CHODL: variants seen among roughly 807,000 people sequenced by gnomAD.
CHODL encodes chondrolectin, also known as transmembrane protein MT75.
A neutral mutation model predicts 34.5 loss-of-function variants in CHODL; 29 were observed. The ratio of observed to expected loss-of-function variants is 0.84; its 90% CI spans 0.63 to 1.15. The LOEUF (loss-of-function observed/expected upper bound fraction) is 1.15, where lower values mean the gene tolerates loss of function less well. CHODL is among the 50% of genes most tolerant of loss of function. The pLI, the probability that CHODL is intolerant of heterozygous loss-of-function variation, is 0.00. For synonymous variants in CHODL, 125 were observed against 116.1 expected (o/e 1.08, Z -0.49); for missense variants, 332 against 332.5 (o/e 1.00, Z 0.01).
intron 2 of CHODL, among the ~76,000 whole-genome samples, chr21:18,108,190 TG>T (rs2065298347): frequency 6.6e-6 from 1 of 151,996 alleles, no homozygotes; most frequent in African/African-American, 2.4e-5. Flanking sequence ...TATTAGCTCT[TG>T]GCCTTTGGGA....
At chr21:18,242,792 A>T (rs1019269390), upstream of CHODL, among the ~76,000 whole-genome samples, 68 of 152,324 alleles carry the variant, frequency 4.5e-4, no homozygotes, top group African/African-American at 1.5e-3. Flanking sequence ...CATATTGAGG[A>T]TACAGTTATT....
chr21:18,075,749 G>T (rs1439292279), intron 2 of CHODL, among the ~76,000 whole-genome samples: 1 of 151,942 alleles, frequency 6.6e-6, no homozygotes, highest in Admixed American at 6.6e-5. Context: ...CCTTTGCTAT[G>T]GTCTAAATGT....
At chr21:18,160,248 A>G (rs1421051503) in intron 2 of CHODL, among the ~76,000 whole-genome samples, 1 of 152,218 alleles carries the variant, frequency 6.6e-6, no homozygotes, top group East Asian at 1.9e-4. Context: ...TCTCAAAGGA[A>G]GAAGAATTTA....
chr21:18,241,175 C>G (rs987275543), upstream of CHODL, among the ~76,000 whole-genome samples: 1 of 151,622 alleles, frequency 6.6e-6, no homozygotes, highest in Admixed American at 6.6e-5. Context: ...AAGGTGTCAT[C>G]TCTAAAATAT....
At chr21:18,025,876 C>T (rs112951476) in intron 1 of CHODL, among the ~76,000 whole-genome samples, 2,329 of 152,124 alleles carry the variant, frequency 0.015, 58 homozygotes, top group Middle Eastern at 0.048. Context: ...TATAAGGACC[C>T]GAGTCATATT....
intron 5 of CHODL, among the ~76,000 whole-genome samples, chr21:18,264,353 C>G (rs534257841): frequency 6.6e-6 from 1 of 152,010 alleles, no homozygotes; most frequent in African/African-American, 2.4e-5. Flanking sequence ...TTTGACAGGG[C>G]ATCCAGTAGA....
intron 1 of CHODL, among the ~76,000 whole-genome samples, chr21:17,968,626 T>A (rs2063591460): frequency 6.6e-6 from 1 of 152,248 alleles, no homozygotes; most frequent in Admixed American, 6.5e-5. Flanking sequence ...TCATGCCTTG[T>A]TAGTCTTCCA....
At chr21:18,251,551 AT>A (rs1568957616) in intron 1 of CHODL, among the ~76,000 whole-genome samples, 242 of 6,050 alleles carry the variant, frequency 0.04, 25 homozygotes, top group African/African-American at 0.15. Flanking sequence ...TAATATATAA[AT>A]ATTTATTTTA....
At chr21:18,109,104 A>C (rs1194347236) in intron 2 of CHODL, among the ~76,000 whole-genome samples, 1 of 152,168 alleles carries the variant, frequency 6.6e-6, no homozygotes, top group Non-Finnish European at 1.5e-5. Flanking sequence ...ATGTAGCAGC[A>C]GTTTTTTAAG....
chr21:18,100,841 T>C (rs924724524), intron 2 of CHODL, among the ~76,000 whole-genome samples: 1 of 152,122 alleles, frequency 6.6e-6, no homozygotes, highest in Non-Finnish European at 1.5e-5. Context: ...AAAAATACTT[T>C]TGTGAATTCC....
At chr21:18,060,667 C>G (rs937989147) in intron 2 of CHODL, among the ~76,000 whole-genome samples, 3 of 144,600 alleles carry the variant, frequency 2.1e-5, no homozygotes, top group African/African-American at 7.9e-5. Flanking sequence ...CTAGGTACCT[C>G]TGAAGCTCAG....
upstream of CHODL, among the ~76,000 whole-genome samples, chr21:18,243,913 C>T (rs1310845320): frequency 1.3e-5 from 2 of 152,138 alleles, no homozygotes; most frequent in African/African-American, 4.8e-5. Flanking sequence ...AATTCTCATG[C>T]ATTTAAAGCA....
chr21:18,195,995 A>C (rs1253723601), intron 2 of CHODL, among the ~76,000 whole-genome samples: 1 of 152,212 alleles, frequency 6.6e-6, no homozygotes, highest in African/African-American at 2.4e-5. Flanking sequence ...GACATACACA[A>C]GTTATATGGA....
intron 1 of CHODL, among the ~76,000 whole-genome samples, chr21:18,002,061 T>C (rs955629089): frequency 1.3e-5 from 2 of 152,212 alleles, no homozygotes; most frequent in Non-Finnish European, 2.9e-5. Context: ...ACTCACTTTT[T>C]ATTCACCTGT....
chr21:17,943,997 A>G (rs1023411297), intron 1 of CHODL, among the ~76,000 whole-genome samples: 3 of 152,306 alleles, frequency 2.0e-5, no homozygotes, highest in South Asian at 2.1e-4. Flanking sequence ...ACTCAGAGAT[A>G]TCAGCTAAAC....
chr21:17,974,256 AG>A (rs1228699290), intron 1 of CHODL, among the ~76,000 whole-genome samples: 1 of 152,132 alleles, frequency 6.6e-6, no homozygotes, highest in East Asian at 1.9e-4. Flanking sequence ...TCCAATTTTT[AG>A]AATTTTTTGT....
At chr21:17,961,001 C>T (rs1386095128) in intron 1 of CHODL, among the ~76,000 whole-genome samples, 1 of 152,154 alleles carries the variant, frequency 6.6e-6, no homozygotes, top group African/African-American at 2.4e-5. Context: ...TCAAACTCAA[C>T]TACATTATAT....
At chr21:18,093,319 G>A (rs2065096969) in intron 2 of CHODL, among the ~76,000 whole-genome samples, 1 of 152,134 alleles carries the variant, frequency 6.6e-6, no homozygotes, top group Non-Finnish European at 1.5e-5. Flanking sequence ...CACCAGACCT[G>A]TCCTACAAGA....
chr21:18,241,720 G>T (rs1198372352), upstream of CHODL, among the ~76,000 whole-genome samples: 1 of 152,160 alleles, frequency 6.6e-6, no homozygotes, highest in Non-Finnish European at 1.5e-5. Flanking sequence ...GAGAGTGAAG[G>T]AGTTCGTGAT....
Sources: gnomAD v4.1 joint callset for allele counts (sites outside exome capture counted in the v4.1 genomes callset) on GRCh38, gnomAD v4.1.1 for gene constraint, MANE v1.5 for transcripts, NCBI Gene and HGNC (gene_info 2026-07-23, HGNC 2026-07-21) for gene names.